The following ZNF385D variants were observed in gnomAD, a reference collection of about 807,000 sequenced individuals.
The protein encoded by ZNF385D is zinc finger protein 659.
ZNF385D carries 15 observed loss-of-function variants against 35.8 expected under a neutral mutation model. That is an observed-to-expected ratio of 0.42 (90% CI 0.28 to 0.64). ZNF385D has a LOEUF of 0.64. Ranked by LOEUF, ZNF385D falls within the 30% of genes least tolerant of loss-of-function variation. The probability of loss-of-function intolerance (pLI) is 0.23; values close to 1 mark genes in which losing one functional copy is unlikely to be tolerated. For missense variants in ZNF385D, 474 were observed against 494.6 expected, an observed-to-expected ratio of 0.96 and a Z score of 0.39; for synonymous variants, 212 against 186.8, an observed-to-expected ratio of 1.13 and a Z score of -1.10.
intron 2 of ZNF385D, among the ~76,000 whole-genome samples, chr3:21,583,967 T>TTAC (rs1559431623): frequency 1.9e-5 from 2 of 103,074 alleles, no homozygotes; most frequent in Non-Finnish European, 4.0e-5. Context: ...TACTTATTTA[T>TTAC]TTATTTATTT....
intron 4 of ZNF385D, among the ~76,000 whole-genome samples, chr3:21,468,608 G>A (rs567653670): frequency 1.1e-4 from 16 of 152,126 alleles, no homozygotes; most frequent in African/African-American, 3.6e-4. Flanking sequence ...CCTATGTTGA[G>A]CAAGAGATAC....
At chr3:22,025,270 T>A (rs1346419893) in intron 3 of ZNF385D, among the ~76,000 whole-genome samples, 1 of 152,106 alleles carries the variant, frequency 6.6e-6, no homozygotes, top group Non-Finnish European at 1.5e-5. Flanking sequence ...AGTGATGGCC[T>A]CCCCTGAGGC....
At chr3:21,837,402 G>C (rs1029676044) in intron 3 of ZNF385D, among the ~76,000 whole-genome samples, 1 of 152,048 alleles carries the variant, frequency 6.6e-6, no homozygotes, top group African/African-American at 2.4e-5. Flanking sequence ...TAGGGGTCTG[G>C]AATCAGATGG....
intron 3 of ZNF385D, among the ~76,000 whole-genome samples, chr3:21,561,173 C>A (rs1575183436): frequency 6.6e-6 from 1 of 152,096 alleles, no homozygotes; most frequent in African/African-American, 2.4e-5. Context: ...TGCTGGTGTT[C>A]CAGAAGCCAC....
chr3:21,725,191 A>C (rs2068707907), intron 1 of ZNF385D, among the ~76,000 whole-genome samples: 1 of 152,206 alleles, frequency 6.6e-6, no homozygotes, highest in East Asian at 1.9e-4. Flanking sequence ...CAGCGTGTAG[A>C]GGGAAATTTA....
In ZNF385D at chr3:21,987,069, C is replaced by A. The variant is rs60243599; in HGVS notation, c.325+181748G>T. On this transcript the variant is annotated intron_variant, in intron 3 of 5. Transcript: ENST00000494108. ...TTTTGAGCCTATGTATGTCTCTGCACGTGAGATGGGTTTCCTGAATACAGC... is the reference window on the plus strand; with the variant it reads ...TTTTGAGCCTATGTATGTCTCTGCAAGTGAGATGGGTTTCCTGAATACAGC... Among the ~76,000 whole-genome samples, 118 of 111,278 alleles carry A rather than the reference C, an allele frequency of 1.1e-3. 1 individual carries two copies. Among genetic ancestry groups the A allele is most frequent in the African/African-American group, 4.6e-3 (114 of 25,036 alleles). The allele number at this position is 111,278 out of a possible 152,430, so 73.0% of individuals were successfully genotyped here.
At chr3:22,110,790 A>T (rs1031684125) in intron 3 of ZNF385D, among the ~76,000 whole-genome samples, 4 of 119,274 alleles carry the variant, frequency 3.4e-5, no homozygotes, top group Admixed American at 1.0e-4. Flanking sequence ...AAGTATAATA[A>T]AAAAAAAAAG....
At chr3:21,593,119 T>C (rs1460743978) in intron 2 of ZNF385D, among the ~76,000 whole-genome samples, 1 of 152,168 alleles carries the variant, frequency 6.6e-6, no homozygotes, top group Non-Finnish European at 1.5e-5. Flanking sequence ...GTCATGCTTT[T>C]GCTCATCTTT....
intron 3 of ZNF385D, among the ~76,000 whole-genome samples, chr3:21,850,709 G>C (rs1696330047): frequency 6.6e-6 from 1 of 152,068 alleles, no homozygotes; most frequent in Middle Eastern, 3.2e-3. Context: ...ACCAGCCAAA[G>C]GGAGAAACAT....
At chr3:22,118,667 G>A (rs1029444212) in intron 3 of ZNF385D, among the ~76,000 whole-genome samples, 5 of 151,990 alleles carry the variant, frequency 3.3e-5, no homozygotes, top group Non-Finnish European at 7.4e-5. Context: ...ACAGCCTCTC[G>A]ATGGTTAAGA....
At chr3:21,711,653 T>C (rs2068113553) in intron 1 of ZNF385D, among the ~76,000 whole-genome samples, 1 of 152,192 alleles carries the variant, frequency 6.6e-6, no homozygotes, top group Admixed American at 6.5e-5. Context: ...TTCTGCCTCT[T>C]CAAATTTTAA....
chr3:22,311,123 G>T (rs912684016), intron 2 of ZNF385D, among the ~76,000 whole-genome samples: 1 of 151,798 alleles, frequency 6.6e-6, no homozygotes. Flanking sequence ...TACGACCAGA[G>T]ACAGAAGAAA....
At chr3:21,561,680 G>T (rs1000125105) in intron 3 of ZNF385D, among the ~76,000 whole-genome samples, 1 of 152,178 alleles carries the variant, frequency 6.6e-6, no homozygotes, top group Non-Finnish European at 1.5e-5. Context: ...TCCAAAGAGA[G>T]GGTGGGAGAT....
At chr3:21,664,836 G>C (rs753986802) in intron 2 of ZNF385D, 50 bp downstream of exon 2, 2 of 1,612,014 alleles carry the variant, frequency 1.2e-6, no homozygotes, top group Non-Finnish European at 1.7e-6. Flanking sequence ...CTTTAAGTTA[G>C]TTTTCCAATA....
At chr3:21,908,185 G>C (rs1450968978) in intron 3 of ZNF385D, among the ~76,000 whole-genome samples, 1 of 138,836 alleles carries the variant, frequency 7.2e-6, no homozygotes, top group Non-Finnish European at 1.6e-5. Context: ...TATGTATAAA[G>C]GATTCTAGGG....
rs570055789 is a variant in ZNF385D at position 22,085,633 on chromosome 3, A to C, written c.325+83184T>G. Reference sequence around the variant, plus strand: ...CAGGACCAGACGGATTCACAGCCGAATTCTACCAGAGGTACAAAGAGGAGC... The same window carrying C: ...CAGGACCAGACGGATTCACAGCCGACTTCTACCAGAGGTACAAAGAGGAGC... On this transcript the variant is annotated intron_variant, in intron 3 of 5. Coordinates refer to the ZNF385D transcript ENST00000494108. 2.0e-5 allele frequency among the ~76,000 whole-genome samples: 3 copies of C among 152,322 alleles called. No homozygotes were observed. In the South Asian group the frequency reaches 6.2e-4, roughly 32 times the overall value.
At chr3:21,868,434 G>C (rs1242055775) in intron 3 of ZNF385D, among the ~76,000 whole-genome samples, 1 of 152,130 alleles carries the variant, frequency 6.6e-6, no homozygotes, top group Non-Finnish European at 1.5e-5. Flanking sequence ...GCTACTACAA[G>C]CACTTGCTTT....
chr3:21,555,575 G>A (rs899736119), intron 3 of ZNF385D, among the ~76,000 whole-genome samples: 2 of 152,098 alleles, frequency 1.3e-5, no homozygotes, highest in Non-Finnish European at 2.9e-5. Flanking sequence ...AGTGTTCCAT[G>A]GTGTATACGT....
At chr3:22,066,192 G>A (rs746223260) in intron 3 of ZNF385D, among the ~76,000 whole-genome samples, 16 of 151,942 alleles carry the variant, frequency 1.1e-4, no homozygotes, top group Non-Finnish European at 1.9e-4. Flanking sequence ...CAATAAATTA[G>A]AGTCAAAAGT....
Sources: allele counts gnomAD v4.1 joint callset (sites outside exome capture counted in the v4.1 genomes callset), GRCh38; gene constraint gnomAD v4.1.1; transcripts MANE v1.5; gene names NCBI Gene and HGNC (gene_info 2026-07-23, HGNC 2026-07-21).